NCKAP5: variants seen among roughly 807,000 people sequenced by gnomAD.
NCKAP5 encodes nck-associated protein 5.
In NCKAP5, 92 loss-of-function variants were observed where a neutral mutation model predicts 167.0. That is an observed-to-expected ratio of 0.55 (90% CI 0.47 to 0.66). The LOEUF (loss-of-function observed/expected upper bound fraction) is 0.66. Ranked by LOEUF, NCKAP5 falls within the 30% of genes least tolerant of loss-of-function variation. NCKAP5 has a pLI of 0.00. For synonymous variants in NCKAP5, 891 were observed against 877.4 expected, an observed-to-expected ratio of 1.02 and a Z score of -0.27; for missense variants, 2,378 against 2,315.0, an observed-to-expected ratio of 1.03 and a Z score of -0.56.
chr2:133,618,022 T>C, the NCKAP5 span, among the ~76,000 whole-genome samples: 2 of 151,944 alleles, frequency 1.3e-5, no homozygotes, highest in Non-Finnish European at 2.9e-5. Flanking sequence ...TATCTGATCT[T>C]TGACAAACCT....
intron 11 of NCKAP5, among the ~76,000 whole-genome samples, chr2:132,804,976 A>C (rs907100780): frequency 2.0e-5 from 3 of 151,966 alleles, no homozygotes; most frequent in Non-Finnish European, 4.4e-5. Flanking sequence ...GGCAAATCCT[A>C]TGGAAGTAGC....
rs144038628 is a variant in NCKAP5, at chr2:132,875,927, G to A, written c.648+2921C>T. ...TGGATGTGCATGCCTAGCAAGCCAG[G>A]GTGTATGTGTGTGTGTGTATCTAGG... On this transcript the variant is annotated intron_variant, in intron 9 of 19. Transcript: ENST00000409261. Among the ~76,000 whole-genome samples the A allele has an allele frequency of 6.3e-3, 952 of 152,152 alleles. 11 individuals carry two copies. The highest frequency in any genetic ancestry group is 0.022 in the African/African-American group (896 of 41,508).
At chr2:133,540,998 A>G (rs1686187152) in intron 2 of NCKAP5, among the ~76,000 whole-genome samples, 1 of 150,822 alleles carries the variant, frequency 6.6e-6, no homozygotes, top group African/African-American at 2.4e-5. Flanking sequence ...GGGAAACACG[A>G]TAAGGTCTTA....
intron 4 of NCKAP5, among the ~76,000 whole-genome samples, chr2:133,256,469 T>C (rs1283022976): frequency 6.6e-6 from 1 of 152,204 alleles, no homozygotes; most frequent in Non-Finnish European, 1.5e-5. Flanking sequence ...TAATAATATA[T>C]AATGTTTACA....
intron 11 of NCKAP5, among the ~76,000 whole-genome samples, chr2:132,841,699 C>T (rs1688308019): frequency 6.6e-6 from 1 of 151,922 alleles, no homozygotes; most frequent in African/African-American, 2.4e-5. Context: ...TTCTGTTGTA[C>T]ATAGAGTTTT....
rs188186986 is a variant in NCKAP5, at chr2:133,052,965, A to C, written c.342-58726T>G. Among the ~76,000 whole-genome samples the C allele has an allele frequency of 2.2e-3, 339 of 152,156 alleles. 1 individual carries two copies. The highest frequency in any genetic ancestry group is 3.7e-3 in the Non-Finnish European group (253 of 68,000). ...TAGGGAGAAAACAAAATAAAAAAATACTCCTAATGTTTTGGCATCCTCCTT... is the reference window on the plus strand; with the variant it reads ...TAGGGAGAAAACAAAATAAAAAAATCCTCCTAATGTTTTGGCATCCTCCTT... On this transcript the variant is annotated intron_variant, in intron 6 of 19. Transcript: ENST00000409261.
chr2:132,698,261 C>T (rs1687534564), intron 19 of NCKAP5, among the ~76,000 whole-genome samples: 3 of 152,108 alleles, frequency 2.0e-5, no homozygotes, highest in Admixed American at 2.0e-4. Context: ...TTAAAAAAGA[C>T]CAAATTTGTT....
At chr2:133,270,108 A>G (rs76658435) in intron 4 of NCKAP5, among the ~76,000 whole-genome samples, 1 of 152,228 alleles carries the variant, frequency 6.6e-6, no homozygotes, top group Non-Finnish European at 1.5e-5. Flanking sequence ...TAAAGCTCTT[A>G]GAATAGTTCC....
At chr2:133,634,295 C>A in the NCKAP5 span, among the ~76,000 whole-genome samples, 1 of 152,168 alleles carries the variant, frequency 6.6e-6, no homozygotes, top group Non-Finnish European at 1.5e-5. Context: ...CCCACTCCCT[C>A]GTAACAAAGG....
chr2:132,708,073 C>T lies in NCKAP5; in HGVS notation c.5713+17554G>A, dbSNP rs189739383. Among the ~76,000 whole-genome samples the T allele has an allele frequency of 1.7e-3, 265 of 151,926 alleles. 1 individual carries two copies. Among genetic ancestry groups the T allele is most frequent in the Non-Finnish European group, 2.8e-3 (193 of 67,928 alleles). On this transcript the variant is annotated intron_variant, in intron 19 of 19. Coordinates refer to ENST00000409261, the MANE Select transcript of NCKAP5 (RefSeq NM_207363.3). ...AGCAGCAGTACCCAGGCAGTACTTG[C>T]CATAGGCCTTAGGTGAGACTCAAGG...
chr2:133,086,503 A>T (rs1364596474), intron 6 of NCKAP5, among the ~76,000 whole-genome samples: 1 of 152,196 alleles, frequency 6.6e-6, no homozygotes, highest in East Asian at 1.9e-4. Flanking sequence ...TTAACCGGGC[A>T]TGGTGGTGTG....
At chr2:133,329,139 T>G (rs993705869) in intron 3 of NCKAP5, among the ~76,000 whole-genome samples, 4 of 152,180 alleles carry the variant, frequency 2.6e-5, no homozygotes, top group Non-Finnish European at 5.9e-5. Context: ...TGAAGAGGCA[T>G]GAGAGTGGTA....
chr2:132,714,744 C>T (rs1293331912), intron 19 of NCKAP5: 2 of 382,066 alleles, frequency 5.2e-6, no homozygotes, highest in East Asian at 1.6e-4. Context: ...ACCCGGGAGG[C>T]AGAGGTTGCA....
chr2:133,067,543 C>T (rs995805625), intron 6 of NCKAP5, among the ~76,000 whole-genome samples: 4 of 152,154 alleles, frequency 2.6e-5, no homozygotes, highest in African/African-American at 7.2e-5. Context: ...AGGCTGATGT[C>T]TGAGGAAATC....
chr2:132,952,445 C>A (rs1182516016), intron 8 of NCKAP5, among the ~76,000 whole-genome samples: 1 of 152,142 alleles, frequency 6.6e-6, no homozygotes, highest in Non-Finnish European at 1.5e-5. Flanking sequence ...GCAGGGCAGT[C>A]ACAGACCCCC....
rs764029141 is a variant in NCKAP5 at position 132,914,521 on chromosome 2, A to G, written c.580-35605T>C. ...TTTTCTCTTTGGCCCCCTTTCACAA[A>G]TAGTCTCATGGACTAATACTACCTT... On this transcript the variant is annotated intron_variant, in intron 8 of 19. Coordinates refer to ENST00000409261, the MANE Select transcript of NCKAP5 (RefSeq NM_207363.3). Among the ~76,000 whole-genome samples, 55 of 151,990 alleles carry G rather than the reference A, an allele frequency of 3.6e-4. 2 individuals carry two copies. The highest frequency in any genetic ancestry group is 7.4e-4 in the Non-Finnish European group (50 of 67,988).
chr2:133,528,125 G>A (rs534345757), intron 2 of NCKAP5, among the ~76,000 whole-genome samples: 3 of 151,914 alleles, frequency 2.0e-5, no homozygotes, highest in Admixed American at 2.0e-4. Flanking sequence ...CCACTAAAAT[G>A]GATAGCTAGA....
intron 5 of NCKAP5, among the ~76,000 whole-genome samples, chr2:133,163,422 A>G (rs146197718): frequency 2.0e-5 from 3 of 152,364 alleles, no homozygotes; most frequent in African/African-American, 7.2e-5. Flanking sequence ...ATAGAGGCCC[A>G]TAGAAGACGG....
chr2:133,065,561 G>A (rs1411633956), intron 6 of NCKAP5, among the ~76,000 whole-genome samples: 2 of 152,200 alleles, frequency 1.3e-5, no homozygotes, highest in African/African-American at 4.8e-5. Context: ...GGAGGCAGAA[G>A]TTGCAGTGAG....
Sources: allele counts gnomAD v4.1 joint callset (sites outside exome capture counted in the v4.1 genomes callset), GRCh38; gene constraint gnomAD v4.1.1; transcripts MANE v1.5; gene names NCBI Gene and HGNC (gene_info 2026-07-23, HGNC 2026-07-21).